EXT1: variants seen among roughly 807,000 people sequenced by gnomAD.
EXT1 encodes exostosin glycosyltransferase 1, also known as exostosin-1.
In EXT1, 20 loss-of-function variants were observed where a neutral mutation model predicts 82.5. That is an observed-to-expected ratio of 0.24 (90% CI 0.17 to 0.35). The LOEUF (loss-of-function observed/expected upper bound fraction) is 0.35, where lower values mean the gene tolerates loss of function less well. Among genes scored for constraint, EXT1 ranks in the 10% least tolerant of loss-of-function variants. The pLI, the probability that EXT1 is intolerant of heterozygous loss-of-function variation, is 1.00. For synonymous variants in EXT1, 348 were observed against 350.8 expected, an observed-to-expected ratio of 0.99 and a Z score of 0.09; for missense variants, 757 against 936.5, an observed-to-expected ratio of 0.81 and a Z score of 2.50.
At chr8:117,872,277 T>C (rs1035480392) in intron 1 of EXT1, among the ~76,000 whole-genome samples, 7 of 152,172 alleles carry the variant, frequency 4.6e-5, no homozygotes, top group Non-Finnish European at 1.0e-4. Context: ...TGCTCTATCA[T>C]ACTGGGAATT....
At chr8:117,902,555 G>A (rs551371350) in intron 1 of EXT1, among the ~76,000 whole-genome samples, 1 of 150,150 alleles carries the variant, frequency 6.7e-6, no homozygotes, top group South Asian at 2.1e-4. Context: ...CTTCTATGAC[G>A]TCATTGTTGA....
At chr8:118,021,827 A>T (rs1039944203) in intron 1 of EXT1, among the ~76,000 whole-genome samples, 8 of 152,202 alleles carry the variant, frequency 5.3e-5, no homozygotes, top group Non-Finnish European at 1.2e-4. Flanking sequence ...GGGCAAAGAC[A>T]TTCCATTTCC....
At chr8:117,996,939 G>A (rs987228129) in intron 1 of EXT1, among the ~76,000 whole-genome samples, 5 of 152,130 alleles carry the variant, frequency 3.3e-5, no homozygotes, top group African/African-American at 1.2e-4. Context: ...GGCCAGCAGA[G>A]CACTACTTTA....
At chr8:117,956,908 G>C (rs1283245410) in intron 1 of EXT1, among the ~76,000 whole-genome samples, 1 of 152,146 alleles carries the variant, frequency 6.6e-6, no homozygotes, top group Admixed American at 6.5e-5. Context: ...CTCCGTGAAG[G>C]AGGCACTACC....
intron 1 of EXT1, among the ~76,000 whole-genome samples, chr8:117,955,864 A>G (rs1814576173): frequency 6.6e-6 from 1 of 152,086 alleles, no homozygotes; most frequent in Admixed American, 6.6e-5. Flanking sequence ...GCCCAAATAT[A>G]TATTTCTTAT....
chr8:117,930,945 G>A (rs111369929), intron 1 of EXT1, among the ~76,000 whole-genome samples: 20 of 152,276 alleles, frequency 1.3e-4, no homozygotes, highest in Non-Finnish European at 2.5e-4. Flanking sequence ...GCATTAGCAT[G>A]CTAAAAGACA....
In EXT1 at chr8:117,888,784, A is replaced by G. The variant is rs541517489; in HGVS notation, c.963-51583T>C. 8.6e-5 allele frequency among the ~76,000 whole-genome samples: 13 copies of G among 151,946 alleles called. No homozygotes were observed. The South Asian group carries it at 2.7e-3, about 32-fold the overall frequency. On this transcript the variant is annotated intron_variant, in intron 1 of 10. Coordinates refer to ENST00000378204, the MANE Select transcript of EXT1 (RefSeq NM_000127.3). ...CATATCATCTCCAGCCCCTGCTATC[A>G]TCCTTTGTCTGAATTCTGCTAATAC...
chr8:118,015,384 C>T (rs1815982280), intron 1 of EXT1, among the ~76,000 whole-genome samples: 2 of 152,230 alleles, frequency 1.3e-5, no homozygotes, highest in East Asian at 1.9e-4. Flanking sequence ...GACCATGACT[C>T]GGTTACAAAT....
chr8:118,019,319 CAG>C (rs34020845), intron 1 of EXT1, among the ~76,000 whole-genome samples: 4,743 of 151,216 alleles, frequency 0.031, 246 homozygotes, highest in African/African-American at 0.11. Context: ...AACTTTTATA[CAG>C]AGAGAGGTAA....
chr8:117,935,324 T>C (rs1201754998), intron 1 of EXT1, among the ~76,000 whole-genome samples: 1 of 125,016 alleles, frequency 8.0e-6, no homozygotes, highest in Non-Finnish European at 1.5e-5. Flanking sequence ...TCTATCACTT[T>C]TTTTTTTTTT....
rs1054635378 is a variant in EXT1, at chr8:117,795,247, T to G, written c.*4465A>C. On this transcript the variant is annotated 3_prime_UTR_variant, in exon 11 of 11. Coordinates refer to ENST00000378204, the MANE Select transcript of EXT1 (RefSeq NM_000127.3). ...CTGGGTAGCTCACTGAGGTTCCTGA[T>G]ATAAAATGTATTGGAACTCTAGACC... 2 of 152,160 alleles carry G rather than the reference T, an allele frequency of 1.3e-5. No individual in the cohort carries two copies. The highest frequency in any genetic ancestry group is 4.8e-5 in the African/African-American group (2 of 41,420). The allele number at this position is 152,160 out of a possible 1,614,324, so 9.4% of individuals were successfully genotyped here.
chr8:117,813,032 G>C, intron 7 of EXT1, 71 bp from the exon 8 acceptor site: 1 of 1,263,994 alleles, frequency 7.9e-7, no homozygotes, highest in Non-Finnish European at 1.1e-6. Context: ...CTTGTTTTCA[G>C]GACAATTCTC....
chr8:117,948,503 T>A (rs1312389456), intron 1 of EXT1, among the ~76,000 whole-genome samples: 1 of 152,200 alleles, frequency 6.6e-6, no homozygotes, highest in Non-Finnish European at 1.5e-5. Flanking sequence ...ATTTCCCCCA[T>A]AAACTCATAA....
chr8:117,826,852 G>T (rs898382767), intron 4 of EXT1, among the ~76,000 whole-genome samples: 3 of 152,082 alleles, frequency 2.0e-5, no homozygotes, highest in African/African-American at 4.8e-5. Flanking sequence ...AAGGGAAAAG[G>T]CCTTTTCAGG....
chr8:117,881,622 C>T (rs1213889731), intron 1 of EXT1, among the ~76,000 whole-genome samples: 2 of 152,108 alleles, frequency 1.3e-5, no homozygotes, highest in Non-Finnish European at 2.9e-5. Flanking sequence ...GATTGGTTTG[C>T]GGCAACGTAA....
At chr8:117,847,541 GA>G (rs1225044583) in intron 1 of EXT1, among the ~76,000 whole-genome samples, 1 of 152,164 alleles carries the variant, frequency 6.6e-6, no homozygotes, top group Non-Finnish European at 1.5e-5. Context: ...GGTTCAAACT[GA>G]ACCTTCTCCT....
At chr8:117,826,102 A>G (rs1812004054) in intron 4 of EXT1, among the ~76,000 whole-genome samples, 1 of 152,220 alleles carries the variant, frequency 6.6e-6, no homozygotes. Context: ...ACTGAGCTCT[A>G]CAGAGCCTAG....
intron 3 of EXT1, among the ~76,000 whole-genome samples, chr8:117,832,757 C>G (rs1172473670): frequency 6.6e-6 from 1 of 152,192 alleles, no homozygotes; most frequent in Non-Finnish European, 1.5e-5. Context: ...CTGCAAAGTG[C>G]TCTGGAAGAC....
intron 1 of EXT1, among the ~76,000 whole-genome samples, chr8:118,004,099 G>A (rs935982771): frequency 1.3e-5 from 2 of 152,052 alleles, no homozygotes; most frequent in Non-Finnish European, 2.9e-5. Flanking sequence ...CTCCCAAACA[G>A]CAGAGGCAGG....
Sources: allele counts gnomAD v4.1 joint callset (sites outside exome capture counted in the v4.1 genomes callset), GRCh38; gene constraint gnomAD v4.1.1; transcripts MANE v1.5; gene names NCBI Gene and HGNC (gene_info 2026-07-23, HGNC 2026-07-21).